The following KLHL20 variants were observed in gnomAD, a reference collection of about 807,000 sequenced individuals.
KLHL20 encodes kelch-like protein 20.
In KLHL20, 29 loss-of-function variants were observed where a neutral mutation model predicts 69.5. The ratio of observed to expected loss-of-function variants is 0.42; its 90% CI spans 0.31 to 0.57. The LOEUF is 0.57. Ranked by LOEUF, KLHL20 falls within the 20% of genes least tolerant of loss-of-function variation. The pLI is 0.18. For missense variants in KLHL20, 419 were observed against 776.0 expected, an observed-to-expected ratio of 0.54 and a Z score of 5.47; for synonymous variants, 253 against 265.2, an observed-to-expected ratio of 0.95 and a Z score of 0.45.
chr1:173,748,333 A>T (rs1673162005), intron 3 of KLHL20, among the ~76,000 whole-genome samples: 1 of 152,242 alleles, frequency 6.6e-6, no homozygotes, highest in East Asian at 1.9e-4. Context: ...CACAGACACT[A>T]AAAGAAAACT....
intron 10 of KLHL20, among the ~76,000 whole-genome samples, chr1:173,776,983 G>A (rs1245687676): frequency 1.3e-5 from 2 of 152,098 alleles, no homozygotes; most frequent in Non-Finnish European, 2.9e-5. Context: ...GGTAGGGATT[G>A]CATTGAATCT....
intron 7 of KLHL20, among the ~76,000 whole-genome samples, chr1:173,757,818 A>G (rs1301341438): frequency 6.6e-6 from 1 of 152,202 alleles, no homozygotes; most frequent in African/African-American, 2.4e-5. Flanking sequence ...ATGTTTGTAC[A>G]TATCCATCAC....
chr1:173,742,757 T>A (rs1314537784), intron 3 of KLHL20, among the ~76,000 whole-genome samples: 1 of 151,104 alleles, frequency 6.6e-6, no homozygotes, highest in Non-Finnish European at 1.5e-5. Context: ...TAAATATGTA[T>A]ATATACACGT....
intron 2 of KLHL20, among the ~76,000 whole-genome samples, chr1:173,722,928 G>A (rs1671781046): frequency 6.6e-6 from 1 of 152,060 alleles, no homozygotes; most frequent in Non-Finnish European, 1.5e-5. Flanking sequence ...GACCTCAGGT[G>A]ATCCAGCCAC....
intron 2 of KLHL20, among the ~76,000 whole-genome samples, chr1:173,728,450 GCACCA>G (rs1457294339): frequency 2.0e-5 from 3 of 152,150 alleles, no homozygotes; most frequent in Non-Finnish European, 4.4e-5. Context: ...ATTCTTTTCA[GCACCA>G]CACCACACCC....
At position 173,782,179 on chromosome 1, in the gene KLHL20, C is replaced by G; in HGVS notation, c.1694C>G (p.Thr565Arg). Reference sequence around the variant, plus strand: ...ATGGCAGTAGGAGGTTTTGATGGCACAACATACTTGAAGACCATAGAAGTT... The same window carrying G: ...ATGGCAGTAGGAGGTTTTGATGGCAGAACATACTTGAAGACCATAGAAGTT... Reference protein sequence around the residue: ...QLMAVGGFDGTTYLKTIEVFD... With the variant: ...QLMAVGGFDGRTYLKTIEVFD... The change falls in exon 11 of 12, where the codon ACA becomes AGA. Residue 565 changes from threonine to arginine, a missense_variant. Thr to Arg is a moderately conservative substitution (Grantham distance 71). Transcript: ENST00000209884. 6.2e-7 allele frequency: 1 copy of G among 1,613,990 alleles called. No homozygotes were observed. Among genetic ancestry groups the G allele is most frequent in the Non-Finnish European group, 8.5e-7 (1 of 1,179,972 alleles).
At chr1:173,784,319 G>T (rs2102545053) in intron 11 of KLHL20, among the ~76,000 whole-genome samples, 1 of 152,238 alleles carries the variant, frequency 6.6e-6, no homozygotes, top group East Asian at 1.9e-4. Context: ...TGGCAGCTTT[G>T]GGCCTCTCAC....
At chr1:173,775,605 T>C in intron 9 of KLHL20, 29 bp from the exon 10 acceptor site, 3 of 1,586,524 alleles carry the variant, frequency 1.9e-6, no homozygotes, top group Non-Finnish European at 2.6e-6. Flanking sequence ...GGTTGAATGC[T>C]CACTTACTGG....
intron 8 of KLHL20, among the ~76,000 whole-genome samples, chr1:173,767,086 C>T (rs1185688454): frequency 2.0e-5 from 3 of 152,186 alleles, no homozygotes; most frequent in African/African-American, 7.2e-5. Context: ...CTGGTAACCA[C>T]CATTCTACTC....
chr1:173,718,043 G>A (rs1360130384), intron 2 of KLHL20, among the ~76,000 whole-genome samples: 1 of 152,066 alleles, frequency 6.6e-6, no homozygotes, highest in African/African-American at 2.4e-5. Context: ...TCTTTTAGAG[G>A]CATTGTAGTT....
At chr1:173,762,702 T>C (rs1647385740) in intron 7 of KLHL20, among the ~76,000 whole-genome samples, 1 of 152,160 alleles carries the variant, frequency 6.6e-6, no homozygotes, top group South Asian at 2.1e-4. Context: ...ATTAAAACTC[T>C]CAGCAAAATT....
chr1:173,735,700 A>C (rs979994121), intron 3 of KLHL20, among the ~76,000 whole-genome samples: 2 of 152,096 alleles, frequency 1.3e-5, no homozygotes, highest in African/African-American at 4.8e-5. Context: ...TGCATCCACC[A>C]CCCGAGCAGT....
intron 2 of KLHL20, 43 bp downstream of exon 2, chr1:173,716,109 T>G: frequency 6.3e-7 from 1 of 1,593,064 alleles, no homozygotes; most frequent in Non-Finnish European, 8.6e-7. Context: ...CTGATTAAAA[T>G]TCAGCATGTA....
At chr1:173,742,650 T>TACAC in intron 3 of KLHL20, among the ~76,000 whole-genome samples, 1 of 149,758 alleles carries the variant, frequency 6.7e-6, no homozygotes, top group Non-Finnish European at 1.5e-5. Context: ...TATACGTGTA[T>TACAC]GTATATACAC....
At chr1:173,748,680 A>G (rs1019076337) in intron 3 of KLHL20, among the ~76,000 whole-genome samples, 1 of 152,130 alleles carries the variant, frequency 6.6e-6, no homozygotes, top group African/African-American at 2.4e-5. Context: ...GCACACCAAC[A>G]TGGCATGTGT....
chr1:173,729,602 A>C (rs1458972553), intron 2 of KLHL20, among the ~76,000 whole-genome samples: 1 of 152,188 alleles, frequency 6.6e-6, no homozygotes, highest in Non-Finnish European at 1.5e-5. Flanking sequence ...CAGTTACATA[A>C]ACAGAACCAA....
At chr1:173,716,313 T>G (rs1671469183) in intron 2 of KLHL20, among the ~76,000 whole-genome samples, 1 of 152,130 alleles carries the variant, frequency 6.6e-6, no homozygotes, top group Admixed American at 6.5e-5. Flanking sequence ...TTTTTTCATG[T>G]TTTTTACAGT....
At chr1:173,778,931 G>GT (rs1003754169) in intron 10 of KLHL20, among the ~76,000 whole-genome samples, 61 of 150,882 alleles carry the variant, frequency 4.0e-4, no homozygotes, top group African/African-American at 1.4e-3. Flanking sequence ...GATCTTTTGT[G>GT]TTTTTTTCAC....
intron 2 of KLHL20, among the ~76,000 whole-genome samples, chr1:173,730,671 A>G (rs1672226790): frequency 1.3e-5 from 2 of 152,256 alleles, no homozygotes; most frequent in Non-Finnish European, 2.9e-5. Flanking sequence ...AGCTGTATGT[A>G]GAAACCTGAA....
Sources: allele counts gnomAD v4.1 joint callset (sites outside exome capture counted in the v4.1 genomes callset), GRCh38; gene constraint gnomAD v4.1.1; transcripts MANE v1.5; gene names NCBI Gene and HGNC (gene_info 2026-07-23, HGNC 2026-07-21).